Variants in SLC35F4 observed in about 807,000 individuals in gnomAD.
SLC35F4 encodes solute carrier family 35 member F4.
In SLC35F4, 24 loss-of-function variants were observed where a neutral mutation model predicts 44.2. The ratio of observed to expected loss-of-function variants is 0.54; its 90% confidence interval spans 0.39 to 0.76. The LOEUF is 0.76. SLC35F4 is among the 30% of genes least tolerant of loss of function. The pLI, the probability that SLC35F4 is intolerant of heterozygous loss-of-function variation, is 0.00. For synonymous variants in SLC35F4, 238 were observed against 223.6 expected, an observed-to-expected ratio of 1.06 and a Z score of -0.57; for missense variants, 562 against 586.1, an observed-to-expected ratio of 0.96 and a Z score of 0.42.
chr14:57,965,153 G>A (rs1298614938), intron 1 of SLC35F4, among the ~76,000 whole-genome samples: 1 of 152,038 alleles, frequency 6.6e-6, no homozygotes. Context: ...TAGGTCAGGA[G>A]TCTGACAAGG....
At chr14:57,937,064 C>CTTTTTTTTTTTTT (rs11458039) in intron 1 of SLC35F4, among the ~76,000 whole-genome samples, 4 of 144,218 alleles carry the variant, frequency 2.8e-5, no homozygotes, top group Non-Finnish European at 3.0e-5. Context: ...ATTTTACCTG[C>CTTTTTTTTTTTTT]TTTTTTTTTT....
intron 1 of SLC35F4, among the ~76,000 whole-genome samples, chr14:57,772,305 C>A (rs1192436194): frequency 1.3e-5 from 2 of 152,194 alleles, no homozygotes; most frequent in Non-Finnish European, 2.9e-5. Context: ...TGAAACCAGA[C>A]AATTAACTGC....
intron 1 of SLC35F4, among the ~76,000 whole-genome samples, chr14:57,635,093 G>A (rs769093603): frequency 6.6e-6 from 1 of 151,918 alleles, no homozygotes; most frequent in African/African-American, 2.4e-5. Flanking sequence ...CTACCAAAAA[G>A]AAATTGGTAA....
intron 1 of SLC35F4, among the ~76,000 whole-genome samples, chr14:57,892,506 C>T (rs942584384): frequency 1.3e-5 from 2 of 152,212 alleles, no homozygotes; most frequent in Non-Finnish European, 2.9e-5. Flanking sequence ...AATAATGCCA[C>T]TCTTTCATCT....
rs2076194224 is a variant in SLC35F4, at chr14:57,726,045, C to T, written c.104-131921G>A. Reference sequence around the variant, plus strand: ...AACTGGATACTTTGGGATCCTCTTACCTTTAAGTCAACAGGTTAAGAAGGG... The same window carrying T: ...AACTGGATACTTTGGGATCCTCTTATCTTTAAGTCAACAGGTTAAGAAGGG... On this transcript the variant is annotated intron_variant, in intron 1 of 7. Coordinates refer to ENST00000556826, the MANE Select transcript of SLC35F4 (RefSeq NM_001306087.2). Among the ~76,000 whole-genome samples, 2 of 152,168 alleles carry T rather than the reference C, an allele frequency of 1.3e-5. 1 individual carries two copies. Among genetic ancestry groups the T allele is most frequent in the South Asian group, 4.1e-4 (2 of 4,830 alleles).
At chr14:57,878,589 A>T (rs868038895) in intron 1 of SLC35F4, among the ~76,000 whole-genome samples, 2 of 151,786 alleles carry the variant, frequency 1.3e-5, no homozygotes, top group African/African-American at 4.8e-5. Flanking sequence ...TATCTGGAAC[A>T]CTCTCTCCCT....
At chr14:57,942,393 A>G (rs537244928) in intron 1 of SLC35F4, among the ~76,000 whole-genome samples, 3 of 152,236 alleles carry the variant, frequency 2.0e-5, no homozygotes, top group South Asian at 4.1e-4. Flanking sequence ...CCAGTATCTC[A>G]AGTTCTAAAA....
At chr14:57,849,676 T>C (rs1451339004) in intron 1 of SLC35F4, among the ~76,000 whole-genome samples, 1 of 152,224 alleles carries the variant, frequency 6.6e-6, no homozygotes, top group East Asian at 1.9e-4. Context: ...AAAAACTTAA[T>C]AGAAGAGTTT....
chr14:57,573,710 A>G (rs543575004), intron 4 of SLC35F4, among the ~76,000 whole-genome samples: 1 of 152,300 alleles, frequency 6.6e-6, no homozygotes, highest in Admixed American at 6.5e-5. Flanking sequence ...TTTCAGGGAA[A>G]TAAAAAAGGC....
intron 1 of SLC35F4, among the ~76,000 whole-genome samples, chr14:57,600,324 C>T (rs1183248300): frequency 6.6e-6 from 1 of 152,126 alleles, no homozygotes; most frequent in African/African-American, 2.4e-5. Flanking sequence ...AAATGTAACC[C>T]TGGATTTTTC....
intron 1 of SLC35F4, among the ~76,000 whole-genome samples, chr14:57,829,401 C>G (rs11624254): frequency 0.26 from 39,828 of 151,998 alleles, 5,556 homozygotes; most frequent in Admixed American, 0.38. Context: ...AACAGGTGCC[C>G]TGCTGTCATA....
In SLC35F4 at chr14:57,739,862, G is replaced by T. The variant is rs546368764; in HGVS notation, c.103+125861C>A. Among the ~76,000 whole-genome samples, 8 of 152,280 alleles carry T rather than the reference G, an allele frequency of 5.3e-5. No individual in the cohort carries two copies. The East Asian group carries it at 1.5e-3, about 29-fold the overall frequency. On this transcript the variant is annotated intron_variant, in intron 1 of 7. Coordinates refer to ENST00000556826, the MANE Select transcript of SLC35F4 (RefSeq NM_001306087.2). The stretch of plus-strand genomic sequence containing the variant: ...CAACTCTCAGCAAACAGTGGCTATT[G>T]GTTTGTTGTTGTTTTGAGACAGTGT...
rs180945935 is a variant in SLC35F4, at chr14:57,734,793, T to C, written c.103+130930A>G. ...TATTCTTAATTACTCTTTCTCTCAC[T>C]AGCTTAATACCCAGGTCCACTGTCA... is the stretch of plus-strand genomic sequence containing the variant. On this transcript the variant is annotated intron_variant, in intron 1 of 7. Coordinates refer to ENST00000556826, the MANE Select transcript of SLC35F4 (RefSeq NM_001306087.2). 6.0e-4 allele frequency among the ~76,000 whole-genome samples: 91 copies of C among 152,302 alleles called. No individual in the cohort carries two copies. The Middle Eastern group carries it at 0.01, about 17-fold the overall frequency.
chr14:57,810,047 A>G (rs559982563), intron 1 of SLC35F4, among the ~76,000 whole-genome samples: 1 of 152,322 alleles, frequency 6.6e-6, no homozygotes, highest in South Asian at 2.1e-4. Context: ...TTAAATCACT[A>G]TTGTAGTCTC....
intron 1 of SLC35F4, among the ~76,000 whole-genome samples, chr14:57,871,941 T>C (rs1181971573): frequency 6.6e-6 from 1 of 152,254 alleles, no homozygotes; most frequent in Non-Finnish European, 1.5e-5. Flanking sequence ...TCTTCGTCCT[T>C]TGTTTTCCAA....
chr14:57,671,283 A>T (rs1267378937), intron 1 of SLC35F4, among the ~76,000 whole-genome samples: 1 of 151,950 alleles, frequency 6.6e-6, no homozygotes, highest in Admixed American at 6.6e-5. Context: ...GAGTGCTGGC[A>T]TCACCCCTCC....
intron 1 of SLC35F4, among the ~76,000 whole-genome samples, chr14:57,953,541 G>C (rs1301182498): frequency 6.6e-6 from 1 of 152,172 alleles, no homozygotes; most frequent in African/African-American, 2.4e-5. Context: ...ACCATCTCAT[G>C]TGAAAAGACA....
intron 1 of SLC35F4, among the ~76,000 whole-genome samples, chr14:57,694,850 T>C (rs1389820958): frequency 2.0e-5 from 3 of 152,194 alleles, no homozygotes; most frequent in Non-Finnish European, 4.4e-5. Context: ...GATTTAGAAT[T>C]ACAATTACCT....
intron 1 of SLC35F4, among the ~76,000 whole-genome samples, chr14:57,937,617 AAAGAAAAGAAAAGAAAAGAAAAGAAAAG>A (rs1889834522): frequency 9.1e-6 from 1 of 110,172 alleles, no homozygotes; most frequent in African/African-American, 3.7e-5. Flanking sequence ...AAAGAAAAGA[AAAGAAAAGAAAAGAAAAGAAAAGAAAAG>A]AAAAGAAAAA....
Sources: allele counts gnomAD v4.1 joint callset (sites outside exome capture counted in the v4.1 genomes callset), GRCh38; gene constraint gnomAD v4.1.1; transcripts MANE v1.5; gene names NCBI Gene and HGNC (gene_info 2026-07-23, HGNC 2026-07-21).